FALEC: variants seen among roughly 807,000 people sequenced by gnomAD.
FALEC encodes the protein focally amplified lncRNA regulator of ECM1, also known as focally amplified lncRNA on chromosome 1.
the FALEC span, among the ~76,000 whole-genome samples, chr1:150,523,760 C>T: frequency 6.6e-6 from 1 of 151,934 alleles, no homozygotes; most frequent in Non-Finnish European, 1.5e-5. Flanking sequence ...TTTCCAGGTC[C>T]TACTCCCTGG....
At chr1:150,531,447 C>T in the FALEC span, among the ~76,000 whole-genome samples, 1 of 152,040 alleles carries the variant, frequency 6.6e-6, no homozygotes, top group African/African-American at 2.4e-5. Flanking sequence ...TGCACTCCAG[C>T]CTGGGCAACA....
At chr1:150,521,876 A>G (rs964963328), downstream of FALEC, among the ~76,000 whole-genome samples, 3 of 152,214 alleles carry the variant, frequency 2.0e-5, no homozygotes, top group African/African-American at 7.2e-5. Flanking sequence ...TCTTCAGGAA[A>G]GTCTTGGCTA....
downstream of FALEC, among the ~76,000 whole-genome samples, chr1:150,522,867 G>GTATATATACATATATATATACGTATATA (rs1670664252): frequency 2.9e-5 from 2 of 68,128 alleles, no homozygotes; most frequent in South Asian, 5.2e-4. Flanking sequence ...ATATATATAC[G>GTATATATACATATATATATACGTATATA]TATATATACA....
downstream of FALEC, among the ~76,000 whole-genome samples, chr1:150,518,851 G>A (rs976250620): frequency 3.3e-5 from 5 of 152,026 alleles, no homozygotes; most frequent in African/African-American, 9.7e-5. Flanking sequence ...GAGGTCAGGA[G>A]TTTGAGACCA....
At chr1:150,534,892 G>T in the FALEC span, among the ~76,000 whole-genome samples, 1 of 151,726 alleles carries the variant, frequency 6.6e-6, no homozygotes, top group South Asian at 2.1e-4. Flanking sequence ...AATCTTGGCT[G>T]GAATTGACTT....
the FALEC span, among the ~76,000 whole-genome samples, chr1:150,532,921 C>T: frequency 3.3e-5 from 5 of 152,312 alleles, no homozygotes; most frequent in South Asian, 1.0e-3. Flanking sequence ...TGCTGACACC[C>T]TAGCAGCCAG....
At chr1:150,529,016 C>CAAAAAAAAAAAGAAAA in the FALEC span, among the ~76,000 whole-genome samples, 1 of 59,292 alleles carries the variant, frequency 1.7e-5, no homozygotes, top group Non-Finnish European at 3.0e-5. Flanking sequence ...AAATAAATAG[C>CAAAAAAAAAAAGAAAA]AAAAAAAAAA....
downstream of FALEC, among the ~76,000 whole-genome samples, chr1:150,522,867 GTA>G (rs1397962460): frequency 2.4e-3 from 165 of 68,128 alleles, 1 homozygote; most frequent in Middle Eastern, 8.9e-3. Context: ...ATATATATAC[GTA>G]TATATACATA....
At chr1:150,524,195 G>A in the FALEC span, among the ~76,000 whole-genome samples, 5 of 151,868 alleles carry the variant, frequency 3.3e-5, no homozygotes, top group Non-Finnish European at 7.4e-5. Flanking sequence ...TGCCACCTAG[G>A]CTGGAATGCA....
chr1:150,528,812 C>T, the FALEC span, among the ~76,000 whole-genome samples: 2 of 151,944 alleles, frequency 1.3e-5, no homozygotes, highest in East Asian at 3.9e-4. Context: ...TGGTCTCAAT[C>T]TCCTGACCTC....
At chr1:150,516,976 G>C (rs587634605) in intron 1 of FALEC, among the ~76,000 whole-genome samples, 1 of 152,236 alleles carries the variant, frequency 6.6e-6, no homozygotes, top group South Asian at 2.1e-4. Context: ...CTTCCAGGAA[G>C]AGGAAATAAC....
the FALEC span, among the ~76,000 whole-genome samples, chr1:150,528,047 A>G: frequency 6.6e-6 from 1 of 152,096 alleles, no homozygotes; most frequent in Non-Finnish European, 1.5e-5. Flanking sequence ...GTCTAAGTCA[A>G]TCATGGTAAC....
At chr1:150,518,719 A>G (rs1199872148), downstream of FALEC, among the ~76,000 whole-genome samples, 1 of 152,002 alleles carries the variant, frequency 6.6e-6, no homozygotes, top group Non-Finnish European at 1.5e-5. Flanking sequence ...AAGTTAGGTT[A>G]TAAGTCAGTA....
the FALEC span, among the ~76,000 whole-genome samples, chr1:150,535,320 T>C: frequency 1.1e-4 from 16 of 152,136 alleles, no homozygotes; most frequent in Non-Finnish European, 2.9e-5. Flanking sequence ...CTCAGCTCAC[T>C]GCAACCTCCG....
chr1:150,527,504 C>T, the FALEC span, among the ~76,000 whole-genome samples: 1 of 152,086 alleles, frequency 6.6e-6, no homozygotes, highest in Admixed American at 6.6e-5. Flanking sequence ...GGTGATCTGC[C>T]CGCCTCAGCC....
At chr1:150,529,016 C>CAAAATAAAAAAAAAAAA in the FALEC span, among the ~76,000 whole-genome samples, 1 of 59,292 alleles carries the variant, frequency 1.7e-5, no homozygotes, top group African/African-American at 7.7e-5. Context: ...AAATAAATAG[C>CAAAATAAAAAAAAAAAA]AAAAAAAAAA....
the FALEC span, among the ~76,000 whole-genome samples, chr1:150,533,362 G>C: frequency 6.6e-6 from 1 of 151,512 alleles, no homozygotes; most frequent in South Asian, 2.1e-4. Context: ...GCCACATCGA[G>C]TGTGGAAACT....
the FALEC span, among the ~76,000 whole-genome samples, chr1:150,532,862 T>G: frequency 2.0e-5 from 3 of 151,380 alleles, no homozygotes; most frequent in Admixed American, 6.6e-5. Context: ...TGCTGGGGGG[T>G]GGGGACACAT....
downstream of FALEC, among the ~76,000 whole-genome samples, chr1:150,518,385 TC>T (rs368625532): frequency 0.3 from 43,891 of 147,480 alleles, 7,767 homozygotes; most frequent in Non-Finnish European, 0.4. Context: ...CAAGTCTCTC[TC>T]TTTTTTTTTT....
Sources: allele counts gnomAD v4.1 joint callset (sites outside exome capture counted in the v4.1 genomes callset), GRCh38; gene constraint gnomAD v4.1.1; transcripts MANE v1.5; gene names NCBI Gene and HGNC (gene_info 2026-07-23, HGNC 2026-07-21).